ZNF7: variants seen among roughly 807,000 people sequenced by gnomAD.
ZNF7 encodes the protein C2-H2 type zinc finger protein.
In ZNF7, 10 loss-of-function variants were observed where a neutral mutation model predicts 12.0. The ratio of observed to expected loss-of-function variants is 0.83; its 90% CI spans 0.51 to 1.42. ZNF7 has a LOEUF of 1.42. ZNF7 is among the 40% of genes most tolerant of loss of function. The pLI is 0.00. For missense variants in ZNF7, 854 were observed against 837.2 expected (o/e 1.02, Z -0.25); for synonymous variants, 334 against 295.0 (o/e 1.13, Z -1.35).
chr8:144,838,059 C>T, intron 4 of ZNF7: 2 of 702,830 alleles, frequency 2.8e-6, no homozygotes, highest in Non-Finnish European at 5.2e-6. Flanking sequence ...GGGCCGTGCC[C>T]CCCTGTGAAG....
At chr8:144,829,334 C>G in intron 2 of ZNF7, 144 bp from the exon 3 acceptor site, 3 of 1,543,122 alleles carry the variant, frequency 1.9e-6, no homozygotes, top group Non-Finnish European at 2.6e-6. Flanking sequence ...GAGACTGCCC[C>G]TCCCCAGAAT....
At chr8:144,846,077 C>T (rs1563851869), downstream of ZNF7, 2 of 1,536,464 alleles carry the variant, frequency 1.3e-6, no homozygotes, top group Non-Finnish European at 1.7e-6. Flanking sequence ...CTCACAAAGA[C>T]TGACCCTGCC....
downstream of ZNF7, chr8:144,846,030 C>A: frequency 6.5e-7 from 1 of 1,536,598 alleles, no homozygotes; most frequent in Non-Finnish European, 8.7e-7. Context: ...CCACATGCAC[C>A]GCCTGCAACT....
chr8:144,837,314 A>G, intron 3 of ZNF7, 77 bp from the exon 4 acceptor site: 1 of 1,290,322 alleles, frequency 7.7e-7, no homozygotes, highest in Non-Finnish European at 1.1e-6. Flanking sequence ...TTCCATTTGG[A>G]AACTGGGGAA....
Position 144,841,919 on chromosome 8 carries a change from T to C in ZNF7, c.812T>C (p.Ile271Thr), listed in dbSNP as rs1456896297. 6.2e-6 allele frequency: 10 copies of C among 1,613,920 alleles called. No homozygotes were observed. The highest frequency in any genetic ancestry group is 8.5e-6 in the Non-Finnish European group (10 of 1,180,004). ...LCSQLNQHQR[I>T]HTGEKPFKCT... is the part of the protein sequence containing the mutation. Reference sequence around the variant, plus strand: ...TCGCAGCTTAATCAGCATCAGAGAATCCACACGGGAGAGAAACCCTTTAAA... The same window carrying C: ...TCGCAGCTTAATCAGCATCAGAGAACCCACACGGGAGAGAAACCCTTTAAA... Residue 271 changes from isoleucine to threonine, a missense_variant, in exon 5 of 5, where the codon ATC (isoleucine) becomes ACC (threonine). By Grantham distance (89) the Ile-to-Thr change is moderately conservative. Transcript: ENST00000532777.
At chr8:144,838,597 C>CGGCTTGT (rs1829374680) in intron 4 of ZNF7, 1 of 156,664 alleles carries the variant, frequency 6.4e-6, no homozygotes, top group African/African-American at 2.4e-5. Flanking sequence ...CAGAGGCCAC[C>CGGCTTGT]GGCTTGTAGG....
chr8:144,842,947 A>C lies in ZNF7; in HGVS notation c.1840A>C (p.Asn614His). The change falls in exon 5 of 5, where the codon AAT (asparagine) becomes CAT (histidine). Residue 614 changes from asparagine (N) to histidine (H), a missense_variant. Physicochemically the swap from Asn to His is moderately conservative, Grantham distance 68. Coordinates refer to ENST00000532777, the MANE Select transcript of ZNF7 (RefSeq NM_003416.4). ...TRAQWFYEYG[N>H]ALEGSTFVSR... The stretch of plus-strand genomic sequence containing the variant: ...GGCCCAGTGGTTTTACGAATATGGG[A>C]ATGCCCTGGAAGGGTCCACCTTTGT... The C allele has an allele frequency of 1.2e-6, 2 of 1,614,220 alleles. No individual in the cohort carries two copies. The highest frequency in any genetic ancestry group is 1.7e-6 in the Non-Finnish European group (2 of 1,180,036).
In ZNF7 at chr8:144,842,811, T is replaced by C; in HGVS notation, c.1704T>C (p.Leu568=). The change falls in exon 5 of 5, where the codon CTT becomes CTC. Residue 568 remains leucine, a synonymous_variant. Transcript: ENST00000532777. ...AAGCCTTCAGTCAAAACTCAACCCTTTTCCAACACCAGATAATTCATGCAG... is the reference window on the plus strand; with the variant it reads ...AAGCCTTCAGTCAAAACTCAACCCTCTTCCAACACCAGATAATTCATGCAG... ...CGKAFSQNST[L]FQHQIIHAGV... 6.2e-7 allele frequency: 1 copy of C among 1,614,206 alleles called. No homozygotes were observed. Among genetic ancestry groups the C allele is most frequent in the Non-Finnish European group, 8.5e-7 (1 of 1,180,038 alleles).
rs2130729172 is a variant in ZNF7, at chr8:144,843,106, T to C, written c.1999T>C (p.Cys667Arg). 1 of 1,612,076 alleles carries C rather than the reference T, an allele frequency of 6.2e-7. No homozygotes were observed. Among genetic ancestry groups the C allele is most frequent in the Middle Eastern group, 1.7e-4 (1 of 6,044 alleles). ...GGAGAAGCCTTATAAATGCAATGAC[T>C]GTGGCAAAGCTTTTAATCGTAGCTC... is the stretch of plus-strand genomic sequence containing the variant. ...TGEKPYKCNDCGKAFNRSSRL... is the reference protein window; with the variant it reads ...TGEKPYKCNDRGKAFNRSSRL... Residue 667 changes from cysteine to arginine, a missense_variant, in exon 5 of 5, where the codon TGT becomes CGT. Transcript: ENST00000532777.
intron 3 of ZNF7, chr8:144,835,523 T>C (rs1040392155): frequency 2.0e-5 from 3 of 152,116 alleles, no homozygotes; most frequent in Admixed American, 2.0e-4. Context: ...TAATCTGTTA[T>C]ATTTGTAATT....
At chr8:144,846,763 GTCTCGGC>G (rs1830531766), downstream of ZNF7, 1 of 152,276 alleles carries the variant, frequency 6.6e-6, no homozygotes, top group African/African-American at 2.4e-5. Flanking sequence ...CAGTGGTGCG[GTCTCGGC>G]TCACTGCAAG....
downstream of ZNF7, chr8:144,846,789 C>G (rs1563852522): frequency 1.3e-5 from 2 of 152,344 alleles, no homozygotes; most frequent in South Asian, 4.1e-4. Context: ...AGCTCCGCCA[C>G]CTGGGTTCAC....
At position 144,829,102 on chromosome 8, in the gene ZNF7, G is replaced by T. The variant is rs1178342063; in HGVS notation, c.3+12G>T. 2 of 1,613,844 alleles carry T rather than the reference G, an allele frequency of 1.2e-6. No individual in the cohort carries two copies. The highest frequency in any genetic ancestry group is 2.2e-5 in the East Asian group (1 of 44,886). ...CACTGAGCCTCATGGTAGGAAGCTTGACTGCCTCCTTCCCCTCGCATGTCC... is the reference window on the plus strand; with the variant it reads ...CACTGAGCCTCATGGTAGGAAGCTTTACTGCCTCCTTCCCCTCGCATGTCC... On this transcript the variant is annotated intron_variant, in intron 2 of 4. Coordinates refer to ENST00000532777, the MANE Select transcript of ZNF7 (RefSeq NM_003416.4).
chr8:144,845,878 T>C (rs2130757223), downstream of ZNF7: 1 of 1,198,614 alleles, frequency 8.3e-7, no homozygotes, highest in Non-Finnish European at 1.2e-6. Flanking sequence ...CTGCCTTGCG[T>C]CACGTGGCTG....
Position 144,841,768 on chromosome 8 carries a change from A to G in ZNF7, c.661A>G (p.Lys221Glu), listed in dbSNP as rs761331056. The change falls in exon 5 of 5, where the codon AAA (lysine) becomes GAA (glutamate). Residue 221 changes from lysine to glutamate, a missense_variant. By Grantham distance (56) the Lys-to-Glu change is moderately conservative (BLOSUM62 1). Transcript: ENST00000532777. ...TCTGCATTGGGAAATTAATACACAG[A>G]AAATTAGCAGATGTCAAGAATGCCA... ...IALHWEINTQ[K>E]ISRCQECQKK... 6.2e-7 allele frequency: 1 copy of G among 1,614,172 alleles called. No individual in the cohort carries two copies.
In ZNF7 at chr8:144,832,135, C is replaced by T. The variant is rs528953717; in HGVS notation, c.130+2531C>T. On this transcript the variant is annotated intron_variant, in intron 3 of 4. Transcript: ENST00000532777. The stretch of plus-strand genomic sequence containing the variant: ...TGAAGTTTTATTTAAAAGTTCTGTC[C>T]GGGCACAGTGGCTCACACCTGTAAT... Among the ~76,000 whole-genome samples the T allele has an allele frequency of 2.7e-4, 28 of 102,658 alleles. 7 individuals carry two copies. In the South Asian group the frequency reaches 3.7e-3, roughly 13 times the overall value. The allele number at this position is 102,658 out of a possible 152,430, so 67.3% of individuals were successfully genotyped here. A position where few individuals can be genotyped will look rare whatever the true frequency, so the allele number is the denominator to read the frequency against.
chr8:144,843,247 C>T lies in ZNF7; in HGVS notation c.*79C>T. ...CTTATTTTATATGGAATCGTTTATA[C>T]TGACAAACATGTAGAATGTTGGTAA... is the stretch of plus-strand genomic sequence containing the variant. On this transcript the variant is annotated 3_prime_UTR_variant, in exon 5 of 5. Transcript: ENST00000532777. The T allele has an allele frequency of 7.0e-7, 1 of 1,433,884 alleles. No homozygotes were observed. The highest frequency in any genetic ancestry group is 9.4e-7 in the Non-Finnish European group (1 of 1,068,300). 88.8% of individuals were successfully genotyped at this position (1,433,884 alleles called of 1,614,324 possible). A position where few individuals can be genotyped will look rare whatever the true frequency, so the allele number is the denominator to read the frequency against.
chr8:144,840,332 T>G (rs1829716888), intron 4 of ZNF7, among the ~76,000 whole-genome samples: 2 of 152,094 alleles, frequency 1.3e-5, no homozygotes, highest in Non-Finnish European at 2.9e-5. Context: ...CCTTTGGAGA[T>G]CCCTGGAAGC....
rs1039348382 is a variant in ZNF7 at position 144,842,953 on chromosome 8, C to T, written c.1846C>T (p.Leu616=). Residue 616 remains leucine, a synonymous_variant, in exon 5 of 5, where the codon CTG becomes TTG. Coordinates refer to ENST00000532777, the MANE Select transcript of ZNF7 (RefSeq NM_003416.4). Reference sequence around the variant, plus strand: ...GTGGTTTTACGAATATGGGAATGCCCTGGAAGGGTCCACCTTTGTGAGCCG... The same window carrying T: ...GTGGTTTTACGAATATGGGAATGCCTTGGAAGGGTCCACCTTTGTGAGCCG... ...AQWFYEYGNA[L]EGSTFVSRKK... The T allele has an allele frequency of 1.9e-6, 3 of 1,614,044 alleles. No homozygotes were observed. Among genetic ancestry groups the T allele is most frequent in the Admixed American group, 3.3e-5 (2 of 60,006 alleles).
Sources: gnomAD v4.1 joint callset for allele counts (sites outside exome capture counted in the v4.1 genomes callset) on GRCh38, gnomAD v4.1.1 for gene constraint, MANE v1.5 for transcripts, NCBI Gene and HGNC (gene_info 2026-07-23, HGNC 2026-07-21) for gene names.